PLPP4: variants seen among roughly 807,000 people sequenced by gnomAD.
The protein encoded by PLPP4 is diacylglycerol pyrophosphate like 2.
A neutral mutation model predicts 32.2 loss-of-function variants in PLPP4; 20 were observed. The observed-to-expected ratio is 0.62, with a 90% CI of 0.44 to 0.90. PLPP4 has a LOEUF of 0.90. Among genes scored for constraint, PLPP4 ranks in the 40% least tolerant of loss-of-function variants. PLPP4 has a pLI of 0.00. For missense variants in PLPP4, 257 were observed against 353.1 expected, an observed-to-expected ratio of 0.73 and a Z score of 2.18; for synonymous variants, 127 against 133.0, an observed-to-expected ratio of 0.95 and a Z score of 0.31.
At chr10:120,522,082 T>C (rs56806730) in intron 5 of PLPP4, among the ~76,000 whole-genome samples, 2,326 of 152,244 alleles carry the variant, frequency 0.015, 58 homozygotes, top group African/African-American at 0.053. Flanking sequence ...ATTCCTGGGA[T>C]AATTGGAGAA....
chr10:120,477,366 T>TAA (rs74603489), intron 1 of PLPP4, among the ~76,000 whole-genome samples: 28 of 140,196 alleles, frequency 2.0e-4, no homozygotes, highest in East Asian at 4.1e-4. Flanking sequence ...TATTTCAAGT[T>TAA]AAAAAAAAAA....
chr10:120,556,036 G>T (rs766531756), intron 5 of PLPP4, among the ~76,000 whole-genome samples: 17 of 152,138 alleles, frequency 1.1e-4, no homozygotes, highest in Non-Finnish European at 2.2e-4. Context: ...AAGTGGTAAG[G>T]CCTGTTAGAT....
chr10:120,582,457 A>T (rs1367086303), intron 6 of PLPP4, among the ~76,000 whole-genome samples: 1 of 152,202 alleles, frequency 6.6e-6, no homozygotes, highest in Middle Eastern at 3.4e-3. Flanking sequence ...GTCATATTGC[A>T]TTAGGGCCCA....
intron 6 of PLPP4, among the ~76,000 whole-genome samples, chr10:120,577,511 T>C (rs1849275350): frequency 6.6e-6 from 1 of 152,170 alleles, no homozygotes; most frequent in Non-Finnish European, 1.5e-5. Context: ...CCAAGGCCTG[T>C]TGGCAACTGG....
intron 1 of PLPP4, among the ~76,000 whole-genome samples, chr10:120,470,924 A>G (rs2463157): frequency 0.85 from 129,357 of 151,800 alleles, 56,098 homozygotes; most frequent in South Asian, 0.95. Flanking sequence ...TAATTTCCTA[A>G]CCTTTAAGCC....
intron 5 of PLPP4, among the ~76,000 whole-genome samples, chr10:120,555,664 T>G (rs1014456821): frequency 2.2e-4 from 33 of 152,210 alleles, no homozygotes; most frequent in African/African-American, 7.7e-4. Context: ...CCTGGCGTAG[T>G]GCCTGCCTGT....
At position 120,590,062 on chromosome 10, in the gene PLPP4, A is replaced by G. The variant is rs1356101504; in HGVS notation, c.*560A>G. ...GCTTGAGCATTTCCAGGGCTTTTGAATCATTGAATCTGGAAGCAAATAAAA... is the reference window on the plus strand; with the variant it reads ...GCTTGAGCATTTCCAGGGCTTTTGAGTCATTGAATCTGGAAGCAAATAAAA... On this transcript the variant is annotated 3_prime_UTR_variant, in exon 7 of 7. Transcript: ENST00000398250. Among the ~76,000 whole-genome samples, 3 of 152,202 alleles carry G rather than the reference A, an allele frequency of 2.0e-5. No individual in the cohort carries two copies. The highest frequency in any genetic ancestry group is 6.5e-5 in the Admixed American group (1 of 15,286).
intron 5 of PLPP4, among the ~76,000 whole-genome samples, chr10:120,547,931 T>C (rs577320111): frequency 6.6e-5 from 10 of 152,298 alleles, no homozygotes; most frequent in African/African-American, 2.2e-4. Flanking sequence ...ATTATGAGGG[T>C]TATATCATGA....
At position 120,501,546 on chromosome 10, in the gene PLPP4, T is replaced by C. The variant is rs557511555; in HGVS notation, c.57-2272T>C. Among the ~76,000 whole-genome samples the C allele has an allele frequency of 7.7e-4, 117 of 152,290 alleles. 1 individual carries two copies. Among genetic ancestry groups the C allele is most frequent in the South Asian group, 5.4e-3 (26 of 4,818 alleles). On this transcript the variant is annotated intron_variant, in intron 1 of 6. Coordinates refer to ENST00000398250, the MANE Select transcript of PLPP4 (RefSeq NM_001030059.3). ...GATGAAGAAACTGAGGCTCAGAAAATGTTAAATGACTCATTATGTGCCACA... is the reference window on the plus strand; with the variant it reads ...GATGAAGAAACTGAGGCTCAGAAAACGTTAAATGACTCATTATGTGCCACA...
chr10:120,564,136 A>G (rs997018877), intron 5 of PLPP4, among the ~76,000 whole-genome samples: 61 of 152,174 alleles, frequency 4.0e-4, no homozygotes, highest in African/African-American at 1.4e-3. Flanking sequence ...TAAATGTTGC[A>G]TTAGCTATAT....
chr10:120,457,246 C>G lies in PLPP4; in HGVS notation c.-60C>G. 3.7e-6 allele frequency: 5 copies of G among 1,364,656 alleles called. No homozygotes were observed. The highest frequency in any genetic ancestry group is 1.7e-5 in the South Asian group (1 of 60,130). The allele number at this position is 1,364,656 out of a possible 1,614,324, so 84.5% of individuals were successfully genotyped here. On this transcript the variant is annotated 5_prime_UTR_variant, in exon 1 of 7. Transcript: ENST00000398250. ...CAGGGTCTGGCGAGCCGGCGCCGGC[C>G]GAGCTGCGGGAGCCGCGGAGAGCAC... is the stretch of plus-strand genomic sequence containing the variant.
At chr10:120,549,528 T>C (rs1847791122) in intron 5 of PLPP4, among the ~76,000 whole-genome samples, 1 of 151,766 alleles carries the variant, frequency 6.6e-6, no homozygotes, top group Non-Finnish European at 1.5e-5. Context: ...ACAGATAAGG[T>C]AATAGGATAA....
chr10:120,491,013 T>C (rs1039292092), intron 1 of PLPP4, among the ~76,000 whole-genome samples: 3 of 152,194 alleles, frequency 2.0e-5, no homozygotes, highest in South Asian at 2.1e-4. Flanking sequence ...CAGGGTTATG[T>C]CCTAGAGTCT....
intron 5 of PLPP4, among the ~76,000 whole-genome samples, chr10:120,538,550 C>G (rs1176885491): frequency 6.6e-6 from 1 of 152,126 alleles, no homozygotes; most frequent in East Asian, 1.9e-4. Context: ...CGTCAGGTCA[C>G]TCCTCAGCTT....
intron 2 of PLPP4, 40 bp from the exon 3 acceptor site, chr10:120,513,871 A>C: frequency 6.7e-7 from 1 of 1,484,202 alleles, no homozygotes; most frequent in East Asian, 2.3e-5. Flanking sequence ...CTGATAGCAA[A>C]CTGATGTCCT....
At position 120,575,228 on chromosome 10, in the gene PLPP4, T is replaced by C. The variant is rs1849161705; in HGVS notation, c.543T>C (p.Ala181=). The C allele has an allele frequency of 6.2e-7, 1 of 1,614,128 alleles. No individual in the cohort carries two copies. Among genetic ancestry groups the C allele is most frequent in the Non-Finnish European group, 8.5e-7 (1 of 1,180,038 alleles). The change falls in exon 6 of 7, where the codon GCT becomes GCC. Residue 181 remains alanine, a synonymous_variant. Transcript: ENST00000398250. The part of the protein sequence containing the change: ...SGRGKSWRLC[A]AILPLYCAMM... ...GGGGAAAGAGCTGGCGGCTCTGTGC[T>C]GCCATCCTGCCCTTGTACTGCGCCA...
chr10:120,516,016 T>G (rs1182635427), intron 3 of PLPP4, among the ~76,000 whole-genome samples: 1 of 152,226 alleles, frequency 6.6e-6, no homozygotes, highest in Non-Finnish European at 1.5e-5. Flanking sequence ...CATCATACTC[T>G]GTCTCCTATA....
chr10:120,563,220 C>T (rs1382324965), intron 5 of PLPP4, among the ~76,000 whole-genome samples: 2 of 152,126 alleles, frequency 1.3e-5, no homozygotes, highest in Non-Finnish European at 2.9e-5. Flanking sequence ...GCCTGGGTAA[C>T]AAGAGCGAAA....
At chr10:120,548,288 A>G (rs1052226240) in intron 5 of PLPP4, among the ~76,000 whole-genome samples, 2 of 151,814 alleles carry the variant, frequency 1.3e-5, no homozygotes, top group African/African-American at 2.4e-5. Flanking sequence ...GTTCATATAT[A>G]CTCAGTGTTT....
Sources: allele counts gnomAD v4.1 joint callset (sites outside exome capture counted in the v4.1 genomes callset), GRCh38; gene constraint gnomAD v4.1.1; transcripts MANE v1.5; gene names NCBI Gene and HGNC (gene_info 2026-07-23, HGNC 2026-07-21).